Variants in CSMD1 observed in about 807,000 individuals in gnomAD.
CSMD1 encodes the protein CUB and sushi domain-containing protein 1.
CSMD1 carries 213 observed loss-of-function variants against 417.5 expected under a neutral mutation model. The ratio of observed to expected loss-of-function variants is 0.51; its 90% CI spans 0.46 to 0.57. The LOEUF (loss-of-function observed/expected upper bound fraction) is 0.57. Among genes scored for constraint, CSMD1 ranks in the 20% least tolerant of loss-of-function variants. The pLI is 0.00. For synonymous variants in CSMD1, 2,862 were observed against 1,736.8 expected, an observed-to-expected ratio of 1.65 and a Z score of -16.11; for missense variants, 6,923 against 4,529.7, an observed-to-expected ratio of 1.53 and a Z score of -15.17.
At chr8:3,992,020 T>C (rs1195867721) in intron 5 of CSMD1, among the ~76,000 whole-genome samples, 2 of 152,130 alleles carry the variant, frequency 1.3e-5, no homozygotes, top group Admixed American at 1.3e-4. Flanking sequence ...GGCATTTTAA[T>C]TAAAGCAGGG....
intron 10 of CSMD1, among the ~76,000 whole-genome samples, chr8:3,518,169 T>C (rs1797359438): frequency 6.6e-6 from 1 of 152,286 alleles, no homozygotes; most frequent in East Asian, 1.9e-4. Flanking sequence ...TACCAAAATG[T>C]TGTATGGTTA....
chr8:3,941,333 C>A (rs577266052), intron 5 of CSMD1, among the ~76,000 whole-genome samples: 226 of 152,208 alleles, frequency 1.5e-3, no homozygotes, highest in African/African-American at 5.0e-3. Context: ...CCATTTACAA[C>A]TTTTCTTCTA....
At chr8:4,228,567 G>A (rs886782961) in intron 3 of CSMD1, among the ~76,000 whole-genome samples, 1 of 146,098 alleles carries the variant, frequency 6.8e-6, no homozygotes, top group African/African-American at 2.5e-5. Context: ...AGTATCCTTG[G>A]CAATTCTCTT....
At chr8:3,604,764 T>C in intron 8 of CSMD1, among the ~76,000 whole-genome samples, 1 of 152,124 alleles carries the variant, frequency 6.6e-6, no homozygotes, top group Non-Finnish European at 1.5e-5. Flanking sequence ...GGGCATAACC[T>C]GAGTGTGCAG....
At position 4,925,215 on chromosome 8, in the gene CSMD1, G is replaced by GTTTTTTT. The variant is rs10692207; in HGVS notation, c.85+69110_85+69116dup. ...AAACATGGTGAATACCAGTTTTATGGTTTTTTTTTTTTTTTTTTTTTTTTT... is the reference window on the plus strand; with the variant it reads ...AAACATGGTGAATACCAGTTTTATGGTTTTTTTTTTTTTTTTTTTTTTTTTTTTTTTT... On this transcript the variant is annotated intron_variant, in intron 1 of 69. Coordinates refer to ENST00000635120, the MANE Select transcript of CSMD1 (RefSeq NM_033225.6). 8.6e-3 allele frequency among the ~76,000 whole-genome samples: 626 copies of GTTTTTTT among 72,714 alleles called. 40 individuals are homozygous for GTTTTTTT. The highest frequency in any genetic ancestry group is 0.016 in the East Asian group (32 of 1,990). 47.7% of individuals were successfully genotyped at this position (72,714 alleles called of 152,430 possible).
intron 3 of CSMD1, among the ~76,000 whole-genome samples, chr8:4,272,985 G>T (rs971095429): frequency 3.3e-5 from 5 of 152,132 alleles, no homozygotes; most frequent in Admixed American, 2.0e-4. Flanking sequence ...AAAACCACAT[G>T]CTTAAAACAG....
chr8:3,764,886 A>T (rs746446405), intron 5 of CSMD1, among the ~76,000 whole-genome samples: 6 of 151,814 alleles, frequency 4.0e-5, no homozygotes, highest in Non-Finnish European at 8.8e-5. Context: ...AGTTGGGATT[A>T]AGGTGACTGC....
intron 3 of CSMD1, among the ~76,000 whole-genome samples, chr8:4,361,567 G>C (rs1259570892): frequency 1.3e-5 from 2 of 152,172 alleles, no homozygotes; most frequent in Admixed American, 6.5e-5. Context: ...TAGAGTTCAA[G>C]TTTGTTCCTC....
At chr8:4,214,938 G>C (rs980987689) in intron 3 of CSMD1, among the ~76,000 whole-genome samples, 1 of 152,040 alleles carries the variant, frequency 6.6e-6, no homozygotes, top group African/African-American at 2.4e-5. Flanking sequence ...CTTTTAATGA[G>C]CACAAACGAA....
At chr8:4,226,855 CT>C in intron 3 of CSMD1, among the ~76,000 whole-genome samples, 1 of 152,290 alleles carries the variant, frequency 6.6e-6, no homozygotes, top group East Asian at 1.9e-4. Flanking sequence ...TAGTCTCCCC[CT>C]GTCTTTAGTT....
intron 5 of CSMD1, among the ~76,000 whole-genome samples, chr8:3,797,782 A>T (rs1472433241): frequency 6.6e-6 from 1 of 151,968 alleles, no homozygotes; most frequent in Admixed American, 6.6e-5. Flanking sequence ...TAAAACAGAA[A>T]ATTCCTAGGT....
intron 3 of CSMD1, among the ~76,000 whole-genome samples, chr8:4,413,817 G>C (rs1474590126): frequency 6.6e-6 from 1 of 152,136 alleles, no homozygotes; most frequent in Non-Finnish European, 1.5e-5. Context: ...GATAACTAAG[G>C]TGAGGACCCT....
At chr8:3,707,245 C>G (rs979136244) in intron 7 of CSMD1, among the ~76,000 whole-genome samples, 1 of 152,160 alleles carries the variant, frequency 6.6e-6, no homozygotes, top group Non-Finnish European at 1.5e-5. Context: ...TTAGTTTTAG[C>G]AGAATATTTG....
intron 3 of CSMD1, among the ~76,000 whole-genome samples, chr8:4,226,850 T>C (rs887649623): frequency 6.6e-6 from 1 of 152,198 alleles, no homozygotes; most frequent in African/African-American, 2.4e-5. Flanking sequence ...GCATGTAGTC[T>C]CCCCCTGTCT....
intron 23 of CSMD1, among the ~76,000 whole-genome samples, chr8:3,321,495 C>T (rs991030890): frequency 2.0e-5 from 3 of 152,096 alleles, no homozygotes; most frequent in African/African-American, 4.8e-5. Flanking sequence ...AGGTGCTCTG[C>T]GTGTATCTAA....
chr8:4,441,367 C>A (rs1271840800), intron 2 of CSMD1, among the ~76,000 whole-genome samples: 1 of 149,576 alleles, frequency 6.7e-6, no homozygotes, highest in Non-Finnish European at 1.5e-5. Context: ...CCTGTCTGAG[C>A]CTCCTAAAGT....
At chr8:3,156,704 A>G (rs1196654417) in intron 39 of CSMD1, among the ~76,000 whole-genome samples, 2 of 152,202 alleles carry the variant, frequency 1.3e-5, no homozygotes, top group African/African-American at 2.4e-5. Context: ...GATGAACAAA[A>G]TATGAAAATT....
Position 4,266,024 on chromosome 8 carries a change from C to A in CSMD1, c.415+153929G>T, listed in dbSNP as rs1301696420. Among the ~76,000 whole-genome samples the A allele has an allele frequency of 6.7e-5, 7 of 103,804 alleles. 2 individuals are homozygous for A. Among genetic ancestry groups the A allele is most frequent in the African/African-American group, 1.3e-4 (5 of 38,058 alleles). The allele number at this position is 103,804 out of a possible 152,430, so 68.1% of individuals were successfully genotyped here. On this transcript the variant is annotated intron_variant, in intron 3 of 69. Transcript: ENST00000635120. ...TGTAAGTCATCCCAAACCGGCCCACCGCACTCAGGCTCGCCCGGCATATTA... is the reference window on the plus strand; with the variant it reads ...TGTAAGTCATCCCAAACCGGCCCACAGCACTCAGGCTCGCCCGGCATATTA...
At position 4,479,915 on chromosome 8, in the gene CSMD1, G is replaced by C. The variant is rs190501630; in HGVS notation, c.303-59850C>G. Among the ~76,000 whole-genome samples, 269 of 150,660 alleles carry C rather than the reference G, an allele frequency of 1.8e-3. 1 individual carries two copies. The highest frequency in any genetic ancestry group is 6.4e-3 in the African/African-American group (260 of 40,938). ...TGGGAGGCAGAGGTTGCAGTGAGCC[G>C]AGATGGAGCCACTGCATTCCAGCCT... On this transcript the variant is annotated intron_variant, in intron 2 of 69. Transcript: ENST00000635120.
Sources: allele counts gnomAD v4.1 joint callset (sites outside exome capture counted in the v4.1 genomes callset), GRCh38; gene constraint gnomAD v4.1.1; transcripts MANE v1.5; gene names NCBI Gene and HGNC (gene_info 2026-07-23, HGNC 2026-07-21).